CUL2: variants seen among roughly 807,000 people sequenced by gnomAD.
CUL2 encodes the protein cullin 2.
A neutral mutation model predicts 110.2 loss-of-function variants in CUL2; 22 were observed. That is an observed-to-expected ratio of 0.20 (90% CI 0.14 to 0.28). CUL2 has a LOEUF of 0.28. Among genes scored for constraint, CUL2 ranks in the 10% least tolerant of loss-of-function variants. The pLI, the probability that CUL2 is intolerant of heterozygous loss-of-function variation, is 1.00. For synonymous variants in CUL2, 279 were observed against 293.2 expected, an observed-to-expected ratio of 0.95 and a Z score of 0.49; for missense variants, 631 against 905.5, an observed-to-expected ratio of 0.70 and a Z score of 3.89.
At chr10:35,106,496 TTC>T (rs1423209391) in intron 1 of CUL2, among the ~76,000 whole-genome samples, 2 of 151,544 alleles carry the variant, frequency 1.3e-5, no homozygotes, top group East Asian at 3.9e-4. Context: ...ATTTTTTTTT[TTC>T]TTTTTTTTTC....
At chr10:35,077,181 C>G (rs954859415) in intron 1 of CUL2, among the ~76,000 whole-genome samples, 10 of 151,998 alleles carry the variant, frequency 6.6e-5, no homozygotes, top group South Asian at 4.1e-4. Flanking sequence ...AAATGAAGTA[C>G]TGATACACAC....
At chr10:35,010,842 A>AGT (rs2084881545) in intron 20 of CUL2, among the ~76,000 whole-genome samples, 1 of 152,148 alleles carries the variant, frequency 6.6e-6, no homozygotes, top group Admixed American at 6.5e-5. Context: ...TCATTTCAAT[A>AGT]GTGTATTTCT....
At position 35,035,287 on chromosome 10, in the gene CUL2, T is replaced by C. The variant is rs1170886446; in HGVS notation, c.887A>G (p.Asn296Ser). Residue 296 changes from asparagine to serine, a missense_variant, in exon 10 of 21, where the codon AAT (asparagine) becomes AGT (serine). Physicochemically the swap from Asn to Ser is conservative, Grantham distance 46. Around this residue, in one of 3 missense-constraint regions of CUL2, gnomAD observed 338 missense variants for 442.5 expected, o/e 0.76. Transcript: ENST00000374749. The part of the protein sequence containing the change: ...IRQEKKNDMA[N>S]MYVLLRAVST... ...CACAGCACGGAGTAAGACGTACATA[T>C]TTGCCATGTCTGAGAGGAAAAAGAC... The C allele has an allele frequency of 6.2e-7, 1 of 1,613,912 alleles. No individual in the cohort carries two copies. The highest frequency in any genetic ancestry group is 2.2e-5 in the East Asian group (1 of 44,874).
intron 16 of CUL2, among the ~76,000 whole-genome samples, chr10:35,027,910 A>G (rs1044964751): frequency 2.0e-5 from 3 of 152,226 alleles, no homozygotes; most frequent in African/African-American, 7.2e-5. Context: ...AAGTTTAAAG[A>G]GTTAAAAACT....
chr10:35,033,243 C>T lies in CUL2; in HGVS notation c.1033G>A (p.Glu345Lys), dbSNP rs766474108. ...MPTLFVESVLEVHGKFVQLIN... is the reference protein window; with the variant it reads ...MPTLFVESVLKVHGKFVQLIN... ...AGCTGAACAAATTTACCATGCACTT[C>T]CAAAACTGACTCCACAAATAGTGTT... is the stretch of plus-strand genomic sequence containing the variant. The change falls in exon 11 of 21, where the codon GAA (glutamate) becomes AAA (lysine). Residue 345 changes from glutamate (E) to lysine (K), a missense_variant. Glu to Lys is a moderately conservative substitution (Grantham distance 56). This residue lies in a region of CUL2 where 338 missense variants were observed against 442.5 expected (regional missense o/e 0.76). Coordinates refer to ENST00000374749, the MANE Select transcript of CUL2 (RefSeq NM_003591.4). 8.7e-6 allele frequency: 14 copies of T among 1,613,386 alleles called. No homozygotes were observed. In the South Asian group the frequency reaches 1.4e-4, roughly 16 times the overall value.
intron 14 of CUL2, among the ~76,000 whole-genome samples, chr10:35,030,720 T>G (rs181504437): frequency 3.3e-5 from 5 of 152,268 alleles, no homozygotes; most frequent in Admixed American, 3.3e-4. Context: ...AGTTTCTTTT[T>G]GGAGGTTTAA....
intron 1 of CUL2, among the ~76,000 whole-genome samples, chr10:35,085,842 A>AAG (rs1291000779): frequency 6.6e-6 from 1 of 152,196 alleles, no homozygotes; most frequent in African/African-American, 2.4e-5. Context: ...GTCTCACAAA[A>AAG]AGAAACAGCT....
At chr10:35,032,540 A>C in intron 11 of CUL2, 46 bp from the exon 12 acceptor site, 5 of 1,456,222 alleles carry the variant, frequency 3.4e-6, no homozygotes, top group Non-Finnish European at 3.7e-6. Context: ...CATAGGGAAA[A>C]AGTACAGCTA....
intron 20 of CUL2, 60 bp downstream of exon 20, chr10:35,011,788 A>T: frequency 1.2e-6 from 1 of 819,790 alleles, no homozygotes; most frequent in East Asian, 2.5e-5. Flanking sequence ...AAAGAGACTG[A>T]ATCTGTACAA....
At chr10:35,114,212 G>A (rs7918498) in intron 1 of CUL2, among the ~76,000 whole-genome samples, 20,065 of 151,298 alleles carry the variant, frequency 0.13, 1,517 homozygotes, top group Middle Eastern at 0.18. Flanking sequence ...GTGAGCCACC[G>A]CACCTGGCCC....
intron 1 of CUL2, among the ~76,000 whole-genome samples, chr10:35,075,635 AAC>A (rs34714483): frequency 0.22 from 30,868 of 140,602 alleles, 3,256 homozygotes; most frequent in Middle Eastern, 0.27. Context: ...TGGGCCCTAA[AAC>A]ACACACACAC....
At chr10:35,090,119 A>G (rs991721201) in intron 1 of CUL2, 60 bp downstream of exon 1, 2 of 152,250 alleles carry the variant, frequency 1.3e-5, no homozygotes, top group African/African-American at 4.8e-5. Context: ...CCACCCATTA[A>G]CCGGGAAGGG....
chr10:35,043,120 C>T (rs1397483919), intron 8 of CUL2, among the ~76,000 whole-genome samples: 2 of 152,082 alleles, frequency 1.3e-5, no homozygotes, highest in Non-Finnish European at 2.9e-5. Flanking sequence ...TTTCACTACA[C>T]ACGATGAATA....
chr10:35,081,329 CTT>C (rs1318596717), intron 1 of CUL2, among the ~76,000 whole-genome samples: 1 of 152,226 alleles, frequency 6.6e-6, no homozygotes, highest in Non-Finnish European at 1.5e-5. Context: ...ACAGCCTATA[CTT>C]TGTTTCTTAA....
At chr10:35,088,537 TTG>T (rs1255837336) in intron 1 of CUL2, among the ~76,000 whole-genome samples, 1 of 150,746 alleles carries the variant, frequency 6.6e-6, no homozygotes, top group African/African-American at 2.4e-5. Context: ...GTAATGTGTC[TTG>T]TTTACCCTTG....
At chr10:35,026,792 T>C (rs1398881565) in intron 16 of CUL2, among the ~76,000 whole-genome samples, 1 of 152,216 alleles carries the variant, frequency 6.6e-6, no homozygotes, top group African/African-American at 2.4e-5. Flanking sequence ...GCAAAGCTTA[T>C]TAGTAAAAAA....
At chr10:35,109,394 G>A (rs559186572) in intron 1 of CUL2, among the ~76,000 whole-genome samples, 2 of 152,208 alleles carry the variant, frequency 1.3e-5, no homozygotes, top group East Asian at 3.9e-4. Flanking sequence ...TAGGTGCTGG[G>A]CACAATATTT....
chr10:35,036,165 T>C (rs1019656412), intron 9 of CUL2, among the ~76,000 whole-genome samples: 1 of 152,226 alleles, frequency 6.6e-6, no homozygotes, highest in African/African-American at 2.4e-5. Context: ...GACTTCTAAA[T>C]CACAGATGAG....
intron 5 of CUL2, among the ~76,000 whole-genome samples, chr10:35,052,524 A>G (rs2086136776): frequency 6.6e-6 from 1 of 152,230 alleles, no homozygotes; most frequent in Admixed American, 6.5e-5. Context: ...AACATATATA[A>G]CACAGACGGG....
Sources: allele counts gnomAD v4.1 joint callset (sites outside exome capture counted in the v4.1 genomes callset), GRCh38; gene constraint gnomAD v4.1.1; regional missense constraint gnomAD v4.1.1; transcripts MANE v1.5; gene names NCBI Gene and HGNC (gene_info 2026-07-23, HGNC 2026-07-21).